The following TENM1 variants were observed in gnomAD, a reference collection of about 807,000 sequenced individuals.
TENM1 encodes the protein teneurin-1.
In TENM1, 35 loss-of-function variants were observed where a neutral mutation model predicts 174.8. The observed-to-expected ratio is 0.20, with a 90% CI of 0.15 to 0.27. The LOEUF (loss-of-function observed/expected upper bound fraction) is 0.27, where lower values mean the gene tolerates loss of function less well. Among genes scored for constraint, TENM1 ranks in the 10% least tolerant of loss-of-function variants. The pLI, the probability that TENM1 is intolerant of heterozygous loss-of-function variation, is 1.00. For missense variants in TENM1, 1,633 were observed against 2,130.1 expected, an observed-to-expected ratio of 0.77 and a Z score of 4.59; for synonymous variants, 781 against 798.7, an observed-to-expected ratio of 0.98 and a Z score of 0.37.
At chrX:124,560,642 G>A (rs2048798143) in intron 14 of TENM1, among the ~76,000 whole-genome samples, 1 of 111,306 alleles carries the variant, frequency 9.0e-6, no homozygotes, top group Non-Finnish European at 1.9e-5. Context: ...AACAAGTAAA[G>A]GAAGAAACTC....
At chrX:124,547,140 A>C in intron 14 of TENM1, 50 bp from the exon 18 acceptor site, 6 of 1,002,179 alleles carry the variant, frequency 6.0e-6, no homozygotes, top group Non-Finnish European at 8.3e-6. Context: ...TCAAGAGAAA[A>C]ATATAGTTTA....
chrX:124,985,933 G>C, the TENM1 span, among the ~76,000 whole-genome samples: 1 of 111,431 alleles, frequency 9.0e-6, no homozygotes, highest in Non-Finnish European at 1.9e-5. Context: ...TGCAGTGCCA[G>C]TTGGTGGTGG....
At chrX:124,708,506 T>C in intron 4 of TENM1, among the ~76,000 whole-genome samples, 1 of 111,818 alleles carries the variant, frequency 8.9e-6, no homozygotes, top group Non-Finnish European at 1.9e-5. Context: ...AAGCCATTCA[T>C]TGCAATGTTA....
intron 20 of TENM1, among the ~76,000 whole-genome samples, chrX:124,496,544 C>T (rs1168615617): frequency 3.6e-5 from 4 of 111,944 alleles, no homozygotes; most frequent in African/African-American, 1.3e-4. Context: ...TTTCTCCCTC[C>T]TTTATCATGC....
intron 3 of TENM1, among the ~76,000 whole-genome samples, chrX:124,747,687 A>T (rs760203224): frequency 1.0e-3 from 110 of 109,798 alleles, no homozygotes; most frequent in Middle Eastern, 4.7e-3. Flanking sequence ...GGGACAGTAG[A>T]TTAAACATAC....
chrX:124,843,484 C>G (rs1464259302), intron 3 of TENM1, among the ~76,000 whole-genome samples: 1 of 111,158 alleles, frequency 9.0e-6, no homozygotes, highest in Admixed American at 9.6e-5. Flanking sequence ...GCCTCCCCCC[C>G]TCCCTACTCC....
the TENM1 span, among the ~76,000 whole-genome samples, chrX:125,033,536 G>A: frequency 8.9e-6 from 1 of 111,911 alleles, no homozygotes; most frequent in East Asian, 2.8e-4. Context: ...CTGTGAAGTT[G>A]AGAGTAGAAA....
At chrX:124,731,169 A>G (rs1482241608) in intron 4 of TENM1, among the ~76,000 whole-genome samples, 1 of 111,532 alleles carries the variant, frequency 9.0e-6, no homozygotes. Context: ...AAAAACTGCT[A>G]AAGATGACAG....
intron 20 of TENM1, among the ~76,000 whole-genome samples, chrX:124,495,674 A>G (rs1342139256): frequency 1.9e-5 from 2 of 107,827 alleles, no homozygotes; most frequent in Non-Finnish European, 3.8e-5. Context: ...GATGTGAAGG[A>G]CCTCTTCAAG....
chrX:124,687,542 G>A (rs749334138), intron 5 of TENM1, among the ~76,000 whole-genome samples: 11 of 111,838 alleles, frequency 9.8e-5, no homozygotes, highest in South Asian at 7.5e-4. Context: ...TGATGAAATC[G>A]CCAAAAGCAA....
chrX:124,658,544 G>A (rs1401609724), intron 6 of TENM1, among the ~76,000 whole-genome samples: 1 of 111,663 alleles, frequency 9.0e-6, no homozygotes, highest in Admixed American at 9.5e-5. Context: ...TAGATGTCAA[G>A]AATTTACTGG....
chrX:124,397,461 G>A, intron 27 of TENM1, among the ~76,000 whole-genome samples: 1 of 112,028 alleles, frequency 8.9e-6, no homozygotes, highest in Non-Finnish European at 1.9e-5. Flanking sequence ...AGGAGGAGAA[G>A]GCTGAATTTT....
At chrX:124,958,069 T>A (rs1299803976) in intron 1 of TENM1, among the ~76,000 whole-genome samples, 2 of 111,643 alleles carry the variant, frequency 1.8e-5, no homozygotes, top group Admixed American at 9.5e-5. Context: ...CTCTAGGAAA[T>A]CTTCCCCTGC....
intron 3 of TENM1, among the ~76,000 whole-genome samples, chrX:124,844,951 C>T (rs1189635325): frequency 9.0e-6 from 1 of 111,130 alleles, no homozygotes; most frequent in Non-Finnish European, 1.9e-5. Flanking sequence ...CTATCACAGG[C>T]CATGTAATAT....
the TENM1 span, among the ~76,000 whole-genome samples, chrX:125,129,658 A>G: frequency 9.1e-6 from 1 of 109,836 alleles, no homozygotes; most frequent in South Asian, 4.0e-4. Flanking sequence ...GTCAATTACT[A>G]TAATTTTTAG....
chrX:125,012,662 T>G, the TENM1 span, among the ~76,000 whole-genome samples: 13 of 111,823 alleles, frequency 1.2e-4, no homozygotes, highest in Non-Finnish European at 2.4e-4. Context: ...GATAGCATAA[T>G]AATAATATTT....
the TENM1 span, among the ~76,000 whole-genome samples, chrX:125,184,799 G>A: frequency 9.0e-6 from 1 of 111,157 alleles, no homozygotes; most frequent in Admixed American, 9.6e-5. Flanking sequence ...GATATAGGTA[G>A]CAAAGGGAAA....
chrX:124,756,987 A>G (rs2054269904), intron 3 of TENM1, among the ~76,000 whole-genome samples: 1 of 112,093 alleles, frequency 8.9e-6, no homozygotes, highest in African/African-American at 3.2e-5. Context: ...TCAGATCTCC[A>G]GCTGCGTGCT....
intron 1 of TENM1, among the ~76,000 whole-genome samples, chrX:124,961,504 C>T (rs1270845152): frequency 2.7e-5 from 3 of 110,626 alleles, no homozygotes; most frequent in Non-Finnish European, 3.8e-5. Flanking sequence ...ATTAGCCAGG[C>T]ATGGAGGCGC....
Sources: gnomAD v4.1 joint callset for allele counts (sites outside exome capture counted in the v4.1 genomes callset) on GRCh38, gnomAD v4.1.1 for gene constraint, MANE v1.5 for transcripts, NCBI Gene and HGNC (gene_info 2026-07-23, HGNC 2026-07-21) for gene names.